Variants in SPTLC1 observed in about 807,000 individuals in gnomAD.
SPTLC1 encodes serine palmitoyltransferase 1.
In SPTLC1, 55 loss-of-function variants were observed where a neutral mutation model predicts 68.9. The ratio of observed to expected loss-of-function variants is 0.80; its 90% confidence interval spans 0.64 to 1.00. SPTLC1 has a LOEUF of 1.00. SPTLC1 is among the 50% of genes least tolerant of loss of function. SPTLC1 has a pLI of 0.00. For synonymous variants in SPTLC1, 197 were observed against 201.6 expected (o/e 0.98, Z 0.19); for missense variants, 449 against 573.1 (o/e 0.78, Z 2.21).
chr9:92,040,400 C>CA (rs112216789), intron 12 of SPTLC1, among the ~76,000 whole-genome samples: 39 of 150,926 alleles, frequency 2.6e-4, no homozygotes, highest in Admixed American at 5.9e-4. Flanking sequence ...AAGCAAAAAA[C>CA]AAAAAAAACA....
intron 3 of SPTLC1, among the ~76,000 whole-genome samples, chr9:92,103,299 T>C (rs1051477327): frequency 3.9e-5 from 6 of 152,228 alleles, no homozygotes; most frequent in African/African-American, 7.2e-5. Context: ...CCCTACATCT[T>C]TGTAGAAGAC....
At chr9:92,052,107 A>C (rs1218957113) in intron 8 of SPTLC1, among the ~76,000 whole-genome samples, 1 of 152,230 alleles carries the variant, frequency 6.6e-6, no homozygotes, top group Non-Finnish European at 1.5e-5. Flanking sequence ...CTAAAATTCA[A>C]ATGGAATTTC....
At chr9:92,069,315 G>A (rs1390154350) in intron 5 of SPTLC1, among the ~76,000 whole-genome samples, 1 of 152,086 alleles carries the variant, frequency 6.6e-6, no homozygotes, top group African/African-American at 2.4e-5. Flanking sequence ...TAAAATATGA[G>A]GCATGCTTCT....
intron 6 of SPTLC1, among the ~76,000 whole-genome samples, chr9:92,067,681 A>G (rs1834342385): frequency 6.6e-6 from 1 of 152,212 alleles, no homozygotes; most frequent in Non-Finnish European, 1.5e-5. Context: ...GTGACCACAG[A>G]CTAGGATACC....
intron 6 of SPTLC1, among the ~76,000 whole-genome samples, chr9:92,063,592 T>A (rs1244995613): frequency 6.6e-6 from 1 of 152,056 alleles, no homozygotes; most frequent in Non-Finnish European, 1.5e-5. Context: ...TGAACACAGA[T>A]TCAAAATCCT....
In SPTLC1 at chr9:92,080,935, C is replaced by T; in HGVS notation, c.289G>A (p.Gly97Arg). The T allele has an allele frequency of 6.2e-7, 1 of 1,614,066 alleles. No homozygotes were observed. The highest frequency in any genetic ancestry group is 8.5e-7 in the Non-Finnish European group (1 of 1,179,988). Reference protein sequence around the residue: ...GPPSHKTVVNGKECINFASFN... With the variant: ...GPPSHKTVVNRKECINFASFN... ...GAGGCGAAGTTTATACATTCTTTTC[C>T]ATTCACCACAGTTTTGTGGCTTGGA... Residue 97 changes from glycine to arginine, a missense_variant, in exon 4 of 15, where the codon GGA becomes AGA. Transcript: ENST00000262554.
intron 5 of SPTLC1, among the ~76,000 whole-genome samples, chr9:92,074,740 G>C (rs139499344): frequency 3.3e-5 from 5 of 152,100 alleles, no homozygotes; most frequent in African/African-American, 9.6e-5. Context: ...AATCCTACAG[G>C]CTAGTCCAAG....
At chr9:92,112,597 C>T (rs1836292572) in intron 1 of SPTLC1, 35 bp from the exon 2 acceptor site, 1 of 1,364,044 alleles carries the variant, frequency 7.3e-7, no homozygotes, top group Non-Finnish European at 1.0e-6. Context: ...AGATATGAAA[C>T]ATACACTTCT....
intron 12 of SPTLC1, among the ~76,000 whole-genome samples, chr9:92,044,101 C>T (rs1833433950): frequency 6.6e-6 from 1 of 152,170 alleles, no homozygotes; most frequent in East Asian, 1.9e-4. Context: ...ACTGAGTAGG[C>T]AACTGGGTGT....
chr9:92,097,747 T>C (rs533451576), intron 3 of SPTLC1, among the ~76,000 whole-genome samples: 3 of 152,338 alleles, frequency 2.0e-5, no homozygotes, highest in South Asian at 4.1e-4. Context: ...ATGGTGGTGA[T>C]AGTTGTATAA....
At chr9:92,075,825 T>C (rs1834664312) in intron 5 of SPTLC1, among the ~76,000 whole-genome samples, 1 of 152,202 alleles carries the variant, frequency 6.6e-6, no homozygotes, top group Admixed American at 6.5e-5. Flanking sequence ...GGACAGGACT[T>C]CAACCCGGCC....
chr9:92,112,658 T>G, intron 1 of SPTLC1, 96 bp from the exon 2 acceptor site: 1 of 765,264 alleles, frequency 1.3e-6, no homozygotes, highest in Non-Finnish European at 2.3e-6. Flanking sequence ...CTCCTGTGAC[T>G]TTTAGCCTAT....
chr9:92,041,597 A>G (rs539374991), intron 12 of SPTLC1, among the ~76,000 whole-genome samples: 1 of 152,358 alleles, frequency 6.6e-6, no homozygotes, highest in South Asian at 2.1e-4. Flanking sequence ...GCTTCCATGA[A>G]GCAGAAAGAG....
rs1421444773 is a variant in SPTLC1, at chr9:92,095,415, A to G, written c.260+13325T>C. Among the ~76,000 whole-genome samples, 4 of 152,228 alleles carry G rather than the reference A, an allele frequency of 2.6e-5. No individual in the cohort carries two copies. In the East Asian group the frequency reaches 7.7e-4, roughly 29 times the overall value. Reference sequence around the variant, plus strand: ...ATATTAGGTTCATGAGGGAATATTAATCAGAGGATTCTTTGCAGCAGTGGG... The same window carrying G: ...ATATTAGGTTCATGAGGGAATATTAGTCAGAGGATTCTTTGCAGCAGTGGG... On this transcript the variant is annotated intron_variant, in intron 3 of 14. Transcript: ENST00000262554.
At chr9:92,096,870 CAAA>C (rs1217585119) in intron 3 of SPTLC1, among the ~76,000 whole-genome samples, 3 of 151,128 alleles carry the variant, frequency 2.0e-5, no homozygotes, top group Non-Finnish European at 4.4e-5. Context: ...AGATCACTAT[CAAA>C]GAAGTAAAAT....
intron 6 of SPTLC1, 103 bp downstream of exon 6, chr9:92,067,863 C>G: frequency 7.2e-7 from 1 of 1,382,134 alleles, no homozygotes. Flanking sequence ...AAACAAAAAG[C>G]AGCATTATTT....
Position 92,067,955 on chromosome 9 carries a change from A to T in SPTLC1, c.560+11T>A. The T allele has an allele frequency of 6.2e-7, 1 of 1,613,074 alleles. No individual in the cohort carries two copies. The highest frequency in any genetic ancestry group is 8.5e-7 in the Non-Finnish European group (1 of 1,179,876). ...GAACTGCTATTAGAAAACTACGTAAAGTTTACTTACACAAAAACAATGTCC... is the reference window on the plus strand; with the variant it reads ...GAACTGCTATTAGAAAACTACGTAATGTTTACTTACACAAAAACAATGTCC... On this transcript the variant is annotated intron_variant, in intron 6 of 14. Transcript: ENST00000262554.
In SPTLC1 at chr9:92,038,335, G is replaced by C; in HGVS notation, c.1167C>G (p.Ser389=). Residue 389 remains serine (S), a synonymous_variant, in exon 13 of 15, where the codon TCC becomes TCG. Coordinates refer to ENST00000262554, the MANE Select transcript of SPTLC1 (RefSeq NM_006415.4). The part of the protein sequence containing the change: ...GISGLKVVGE[S]LSPAFHLQLE... ...GTTGTAGGTGAAAGGCTGGAGAAAGGGACTCCCCCACCACTTTTAATCCAG... is the reference window on the plus strand; with the variant it reads ...GTTGTAGGTGAAAGGCTGGAGAAAGCGACTCCCCCACCACTTTTAATCCAG... The C allele has an allele frequency of 6.2e-7, 1 of 1,613,846 alleles. No homozygotes were observed. Among genetic ancestry groups the C allele is most frequent in the Non-Finnish European group, 8.5e-7 (1 of 1,179,804 alleles).
chr9:92,090,448 A>T (rs1227426563), intron 3 of SPTLC1, among the ~76,000 whole-genome samples: 5 of 152,102 alleles, frequency 3.3e-5, no homozygotes, highest in Non-Finnish European at 7.3e-5. Context: ...GTCTCTACTA[A>T]AAATACAAAA....
Sources: allele counts gnomAD v4.1 joint callset (sites outside exome capture counted in the v4.1 genomes callset), GRCh38; gene constraint gnomAD v4.1.1; transcripts MANE v1.5; gene names NCBI Gene and HGNC (gene_info 2026-07-23, HGNC 2026-07-21).